Variants in AVP observed in about 807,000 individuals in gnomAD.
The protein encoded by AVP is vasopressin-neurophysin 2-copeptin.
AVP carries 9 observed loss-of-function variants against 11.1 expected under a neutral mutation model. That is an observed-to-expected ratio of 0.81 (90% CI 0.49 to 1.42). The LOEUF (loss-of-function observed/expected upper bound fraction) is 1.42, where lower values mean the gene tolerates loss of function less well. Among genes scored for constraint, AVP ranks in the 40% most tolerant of loss-of-function variants. The pLI is 0.00. For missense variants in AVP, 206 were observed against 238.5 expected (o/e 0.86, Z 0.90); for synonymous variants, 106 against 111.3 (o/e 0.95, Z 0.30).
In AVP at chr20:3,082,925, C is replaced by CA; in HGVS notation, c.322+51dup. 2.7e-6 allele frequency: 3 copies of CA among 1,093,834 alleles called. No individual in the cohort carries two copies. The highest frequency in any genetic ancestry group is 3.4e-6 in the Non-Finnish European group (3 of 872,388). The allele number at this position is 1,093,834 out of a possible 1,614,324, so 67.8% of individuals were successfully genotyped here. On this transcript the variant is annotated intron_variant, in intron 2 of 2. Transcript: ENST00000380293. The surrounding 1 kb of genome is among the most constrained non-coding windows in gnomAD (Gnocchi z 4.7). ...CCCCGCCGCAGGCCCGCGTCCCCCC[C>CA]ACCCAAGCGGTCTGCGCCCCCCCCA...
At position 3,082,674 on chromosome 20, in the gene AVP, C is replaced by A. The variant is rs1463812046; in HGVS notation, c.451G>T (p.Gly151Trp). Residue 151 changes from glycine to tryptophan, a missense_variant, in exon 3 of 3, where the codon GGG (glycine) becomes TGG (tryptophan). This residue lies in a region of AVP where 106 missense variants were observed against 89.2 expected (regional missense o/e 1.19). Transcript: ENST00000380293. This position sits in a 1 kb window ranked among gnomAD's most constrained non-coding sequence, Gnocchi z 4.7. Reference protein sequence around the residue: ...ALLLRLVQLAGAPEPFEPAQP... With the variant: ...ALLLRLVQLAWAPEPFEPAQP... Reference sequence around the variant, plus strand: ...GCGGGCTCGAAGGGCTCGGGCGCCCCGGCCAGCTGCACCAGCCGCAGCAGC... The same window carrying A: ...GCGGGCTCGAAGGGCTCGGGCGCCCAGGCCAGCTGCACCAGCCGCAGCAGC... The A allele has an allele frequency of 2.3e-6, 3 of 1,284,412 alleles. No individual in the cohort carries two copies. In the East Asian group the frequency reaches 9.5e-5, roughly 41 times the overall value. The allele number at this position is 1,284,412 out of a possible 1,614,324, so 79.6% of individuals were successfully genotyped here. A position where few individuals can be genotyped will look rare whatever the true frequency, so the allele number is the denominator to read the frequency against.
At position 3,083,341 on chromosome 20, in the gene AVP, G is replaced by A. The variant is rs998158222; in HGVS notation, c.121-163C>T. 1.3e-5 allele frequency among the ~76,000 whole-genome samples: 2 copies of A among 152,138 alleles called. No homozygotes were observed. The highest frequency in any genetic ancestry group is 4.8e-5 in the African/African-American group (2 of 41,442). On this transcript the variant is annotated intron_variant, in intron 1 of 2. Transcript: ENST00000380293. This position sits in a 1 kb window ranked among gnomAD's most constrained non-coding sequence, Gnocchi z 5.4. ...TCGGGCGCCACTGGGCCTCGACCGC[G>A]GTCACGGGCGGGGCGTCCAGATCTG...
rs565894445 is a variant in AVP, at chr20:3,082,611, G to T, written c.*19C>A. The T allele has an allele frequency of 5.6e-6, 7 of 1,247,652 alleles. No homozygotes were observed. The highest frequency in any genetic ancestry group is 3.1e-4 in the Middle Eastern group (1 of 3,250). The allele number at this position is 1,247,652 out of a possible 1,614,324, so 77.3% of individuals were successfully genotyped here. The stretch of plus-strand genomic sequence containing the variant: ...CAGGGGCGGGCGCGAAGAGCGCGCC[G>T]GTGGGGCGAGCGCGGGGCTCAGTAG... On this transcript the variant is annotated 3_prime_UTR_variant, in exon 3 of 3. Coordinates refer to ENST00000380293, the MANE Select transcript of AVP (RefSeq NM_000490.5). This position sits in a 1 kb window ranked among gnomAD's most constrained non-coding sequence, Gnocchi z 4.7.
Position 3,083,436 on chromosome 20 carries a change from G to C in AVP, c.121-258C>G, listed in dbSNP as rs1032816865. Among the ~76,000 whole-genome samples the C allele has an allele frequency of 6.6e-6, 1 of 152,164 alleles. No individual in the cohort carries two copies. Among genetic ancestry groups the C allele is most frequent in the Admixed American group, 6.5e-5 (1 of 15,280 alleles). On this transcript the variant is annotated intron_variant, in intron 1 of 2. Coordinates refer to ENST00000380293, the MANE Select transcript of AVP (RefSeq NM_000490.5). This position sits in a 1 kb window ranked among gnomAD's most constrained non-coding sequence, Gnocchi z 5.4. ...AGCGTCCTCACCCTCAGCTAGGGAC[G>C]GGTCTCCCGTGGACTACAGCGTGGG... is the stretch of plus-strand genomic sequence containing the variant.
At chr20:3,084,225 TGGGCACA>T (rs1463636230) in intron 1 of AVP, among the ~76,000 whole-genome samples, 5 of 152,126 alleles carry the variant, frequency 3.3e-5, no homozygotes, top group Non-Finnish European at 7.4e-5. Context: ...AAGAACGCCA[TGGGCACA>T]GGGGAGGCCA....
intron 1 of AVP, 58 bp downstream of exon 1, chr20:3,084,497 C>A: frequency 6.2e-7 from 1 of 1,611,290 alleles, no homozygotes; most frequent in Admixed American, 1.7e-5. Context: ...AGCCCCTGAC[C>A]CAGGGTGTCA....
chr20:3,082,612 G>T lies in AVP; in HGVS notation c.*18C>A, dbSNP rs930095239. ...AGGGGCGGGCGCGAAGAGCGCGCCGGTGGGGCGAGCGCGGGGCTCAGTAGG... is the reference window on the plus strand; with the variant it reads ...AGGGGCGGGCGCGAAGAGCGCGCCGTTGGGGCGAGCGCGGGGCTCAGTAGG... On this transcript the variant is annotated 3_prime_UTR_variant, in exon 3 of 3. Coordinates refer to ENST00000380293, the MANE Select transcript of AVP (RefSeq NM_000490.5). The surrounding 1 kb of genome is among the most constrained non-coding windows in gnomAD (Gnocchi z 4.7). The T allele has an allele frequency of 8.0e-7, 1 of 1,248,030 alleles. No homozygotes were observed. The highest frequency in any genetic ancestry group is 1.0e-6 in the Non-Finnish European group (1 of 997,692). 77.3% of individuals were successfully genotyped at this position (1,248,030 alleles called of 1,614,324 possible).
Position 3,082,635 on chromosome 20 carries a change from A to T in AVP, c.490T>A (p.Tyr164Asn). ...CGGTGGGGCGAGCGCGGGGCTCAGT[A>T]GGCGTCGGGCTGGGCGGGCTCGAAG... ...EPFEPAQPDA[Y>N] Residue 164 changes from tyrosine to asparagine, a missense_variant, in exon 3 of 3, where the codon TAC becomes AAC. Physicochemically the swap from Tyr to Asn is moderately radical, Grantham distance 143. Coordinates refer to ENST00000380293, the MANE Select transcript of AVP (RefSeq NM_000490.5). This position sits in a 1 kb window ranked among gnomAD's most constrained non-coding sequence, Gnocchi z 4.7. 1 of 1,265,044 alleles carries T rather than the reference A, an allele frequency of 7.9e-7. No individual in the cohort carries two copies. Among genetic ancestry groups the T allele is most frequent in the South Asian group, 2.9e-5 (1 of 33,990 alleles). 78.4% of individuals were successfully genotyped at this position (1,265,044 alleles called of 1,614,324 possible).
rs2148570355 is a variant in AVP at position 3,082,578 on chromosome 20, C to T, written c.*52G>A. ...CCGTGCATTGGCGGAGGTTTATTGT[C>T]CGTGCTGCAGGGGCGGGCGCGAAGA... On this transcript the variant is annotated 3_prime_UTR_variant, in exon 3 of 3. Transcript: ENST00000380293. This position sits in a 1 kb window ranked among gnomAD's most constrained non-coding sequence, Gnocchi z 4.7. The T allele has an allele frequency of 8.1e-7, 1 of 1,228,026 alleles. No individual in the cohort carries two copies. The allele number at this position is 1,228,026 out of a possible 1,614,324, so 76.1% of individuals were successfully genotyped here. A position where few individuals can be genotyped will look rare whatever the true frequency, so the allele number is the denominator to read the frequency against.
chr20:3,083,237 G>A lies in AVP; in HGVS notation c.121-59C>T. 4.3e-6 allele frequency: 6 copies of A among 1,384,812 alleles called. No individual in the cohort carries two copies. The highest frequency in any genetic ancestry group is 5.6e-6 in the Non-Finnish European group (6 of 1,066,708). 85.8% of individuals were successfully genotyped at this position (1,384,812 alleles called of 1,614,324 possible). On this transcript the variant is annotated intron_variant, in intron 1 of 2. Transcript: ENST00000380293. This position sits in a 1 kb window ranked among gnomAD's most constrained non-coding sequence, Gnocchi z 5.4. ...GAGCCGGGAGTCGAGGGGTTGGAGG[G>A]GAACGCAGCGAGGCGGGGATGCTGG...
chr20:3,083,993 C>T lies in AVP; in HGVS notation c.120+562G>A, dbSNP rs958367676. On this transcript the variant is annotated intron_variant, in intron 1 of 2. Coordinates refer to ENST00000380293, the MANE Select transcript of AVP (RefSeq NM_000490.5). This position sits in a 1 kb window ranked among gnomAD's most constrained non-coding sequence, Gnocchi z 5.4. ...TGCATGCACATCGTGATTGGATTTCCTTCAGCTCTGCTGGAAATGGAGGAA... is the reference window on the plus strand; with the variant it reads ...TGCATGCACATCGTGATTGGATTTCTTTCAGCTCTGCTGGAAATGGAGGAA... 1.3e-5 allele frequency among the ~76,000 whole-genome samples: 2 copies of T among 152,246 alleles called. No homozygotes were observed. Among genetic ancestry groups the T allele is most frequent in the African/African-American group, 4.8e-5 (2 of 41,460 alleles).
Sources: gnomAD v4.1 joint callset for allele counts (sites outside exome capture counted in the v4.1 genomes callset) on GRCh38, gnomAD v4.1.1 for gene constraint, gnomAD v4.1.1 regional missense constraint, Gnocchi (gnomAD v3.1) non-coding constraint, MANE v1.5 for transcripts, NCBI Gene and HGNC (gene_info 2026-07-23, HGNC 2026-07-21) for gene names.